Variants in KCTD2 observed in about 807,000 individuals in gnomAD.
KCTD2 encodes BTB/POZ domain-containing protein KCTD2.
A neutral mutation model predicts 27.9 loss-of-function variants in KCTD2; 18 were observed. That is an observed-to-expected ratio of 0.64 (90% CI 0.45 to 0.96). The LOEUF is 0.96. KCTD2 is among the 40% of genes least tolerant of loss of function. The pLI is 0.00. For synonymous variants in KCTD2, 175 were observed against 148.4 expected (o/e 1.18, Z -1.30); for missense variants, 280 against 348.0 (o/e 0.80, Z 1.56).
chr17:75,053,222 T>A (rs1178259355), intron 3 of KCTD2, 117 bp downstream of exon 3: 6 of 788,436 alleles, frequency 7.6e-6, no homozygotes, highest in Non-Finnish European at 1.3e-5. Flanking sequence ...GAACACCGTT[T>A]GCAGTGCAGG....
At chr17:75,038,423 G>A (rs1055048944) in intron 3 of KCTD2, among the ~76,000 whole-genome samples, 5 of 152,218 alleles carry the variant, frequency 3.3e-5, no homozygotes, top group African/African-American at 9.6e-5. Context: ...GATTACAGGC[G>A]TGAGCCACCA....
chr17:75,033,957 G>A (rs778522908), intron 1 of KCTD2: 2 of 152,282 alleles, frequency 1.3e-5, no homozygotes, highest in Admixed American at 6.5e-5. Context: ...AGGGATTGTG[G>A]GTTCGAGTCC....
chr17:75,038,491 A>G (rs949668357), intron 3 of KCTD2, among the ~76,000 whole-genome samples: 1 of 152,242 alleles, frequency 6.6e-6, no homozygotes, highest in African/African-American at 2.4e-5. Context: ...GCTGAAGCAC[A>G]GAGAAGTAAA....
chr17:75,053,617 T>C (rs1598124224), intron 3 of KCTD2, among the ~76,000 whole-genome samples: 1 of 151,936 alleles, frequency 6.6e-6, no homozygotes, highest in African/African-American at 2.4e-5. Flanking sequence ...ATTTTTGTAT[T>C]TTTTTAGTAG....
chr17:75,059,222 T>G (rs1223276141), intron 3 of KCTD2: 2 of 215,688 alleles, frequency 9.3e-6, no homozygotes, highest in Admixed American at 5.8e-5. Context: ...CCCTCTGAAG[T>G]TCAGAATTAT....
intron 3 of KCTD2, among the ~76,000 whole-genome samples, chr17:75,054,633 G>A (rs1333163195): frequency 2.0e-5 from 3 of 151,906 alleles, no homozygotes; most frequent in Non-Finnish European, 2.9e-5. Flanking sequence ...GTGAAACCCC[G>A]TCTCTACTAA....
chr17:75,035,827 G>A (rs1273117664), intron 3 of KCTD2, among the ~76,000 whole-genome samples: 1 of 151,914 alleles, frequency 6.6e-6, no homozygotes, highest in African/African-American at 2.4e-5. Flanking sequence ...AGCGAAAGCC[G>A]TCTCAAAACA....
chr17:75,042,215 G>A lies in KCTD2; in HGVS notation c.-259+6858G>A, dbSNP rs138253735. ...AAAGTCATCCACCAAGCCAGCCTTGGCCACATTGGCCTTGTAGTAAGCCCA... is the reference window on the plus strand; with the variant it reads ...AAAGTCATCCACCAAGCCAGCCTTGACCACATTGGCCTTGTAGTAAGCCCA... On this transcript the variant is annotated intron_variant, in intron 3 of 7. Transcript: ENST00000581589. 6.2e-6 allele frequency: 10 copies of A among 1,614,124 alleles called. No homozygotes were observed. The African/African-American group carries it at 1.1e-4, about 17-fold the overall frequency.
intron 1 of KCTD2, 44 bp downstream of exon 1, chr17:75,047,633 T>C (rs748586465): frequency 6.4e-6 from 10 of 1,566,582 alleles, no homozygotes; most frequent in Non-Finnish European, 8.6e-6. Flanking sequence ...TCGAACCCCC[T>C]GGTTTCTCGT....
chr17:75,034,519 A>T (rs147298280), intron 2 of KCTD2, among the ~76,000 whole-genome samples: 1 of 152,100 alleles, frequency 6.6e-6, no homozygotes, highest in African/African-American at 2.4e-5. Context: ...AAGACGCTAA[A>T]CCCACGTGCT....
At chr17:75,056,260 G>A (rs1039016663) in intron 3 of KCTD2, among the ~76,000 whole-genome samples, 1 of 152,158 alleles carries the variant, frequency 6.6e-6, no homozygotes, top group Non-Finnish European at 1.5e-5. Context: ...ATGTGATCCA[G>A]TGTCACCAGT....
At chr17:75,045,403 T>C (rs1477521139), upstream of KCTD2, among the ~76,000 whole-genome samples, 1 of 152,178 alleles carries the variant, frequency 6.6e-6, no homozygotes, top group Non-Finnish European at 1.5e-5. Context: ...CAAAATTTAT[T>C]AGGTGGGAAT....
chr17:75,046,114 G>T (rs373196222), upstream of KCTD2, among the ~76,000 whole-genome samples: 1 of 152,134 alleles, frequency 6.6e-6, no homozygotes, highest in Non-Finnish European at 1.5e-5. Context: ...ACGGAGTCTC[G>T]CACTGTCGCC....
chr17:75,048,590 G>A (rs2073252851), intron 1 of KCTD2, among the ~76,000 whole-genome samples: 1 of 152,102 alleles, frequency 6.6e-6, no homozygotes, highest in African/African-American at 2.4e-5. Flanking sequence ...CCTCCTTGTG[G>A]TAATAGAAGC....
At chr17:75,048,455 TTTG>T (rs1206337177) in intron 1 of KCTD2, among the ~76,000 whole-genome samples, 1 of 152,130 alleles carries the variant, frequency 6.6e-6, no homozygotes, top group Non-Finnish European at 1.5e-5. Context: ...TGCGTAAACA[TTTG>T]TTGTTTTCGT....
chr17:75,038,807 C>T, intron 3 of KCTD2: 1 of 1,157,758 alleles, frequency 8.6e-7, no homozygotes, highest in Non-Finnish European at 1.2e-6. Flanking sequence ...CCAGTGAGGC[C>T]AGCTCAGAAG....
chr17:75,055,660 C>A (rs1461278019), intron 3 of KCTD2, among the ~76,000 whole-genome samples: 1 of 151,900 alleles, frequency 6.6e-6, no homozygotes, highest in Non-Finnish European at 1.5e-5. Flanking sequence ...ATGGAGAAAC[C>A]CTGTCTCTAC....
Position 75,065,340 on chromosome 17 carries a change from C to A in KCTD2, c.*2293C>A. 6.6e-6 allele frequency: 1 copy of A among 152,382 alleles called. No homozygotes were observed. Among genetic ancestry groups the A allele is most frequent in the East Asian group, 1.9e-4 (1 of 5,190 alleles). 9.4% of individuals were successfully genotyped at this position (152,382 alleles called of 1,614,324 possible). A position where few individuals can be genotyped will look rare whatever the true frequency, so the allele number is the denominator to read the frequency against. Reference sequence around the variant, plus strand: ...TCACCCACCCCCTTTAGGAACCAGGCTGGTGTTCTTGCTTGAAAGCGTTGT... The same window carrying A: ...TCACCCACCCCCTTTAGGAACCAGGATGGTGTTCTTGCTTGAAAGCGTTGT... On this transcript the variant is annotated 3_prime_UTR_variant, in exon 6 of 6. Coordinates refer to ENST00000322444, the MANE Select transcript of KCTD2 (RefSeq NM_015353.3).
chr17:75,034,268 C>A (rs1205822735), intron 2 of KCTD2, among the ~76,000 whole-genome samples: 1 of 152,026 alleles, frequency 6.6e-6, no homozygotes, highest in Non-Finnish European at 1.5e-5. Flanking sequence ...CCCCGGAGAA[C>A]CAGAGGTAAA....
Sources: gnomAD v4.1 joint callset for allele counts (sites outside exome capture counted in the v4.1 genomes callset) on GRCh38, gnomAD v4.1.1 for gene constraint, MANE v1.5 for transcripts, NCBI Gene and HGNC (gene_info 2026-07-23, HGNC 2026-07-21) for gene names.